SEPSECS: variants seen among roughly 807,000 people sequenced by gnomAD.
The protein encoded by SEPSECS is Sep (O-phosphoserine) tRNA:Sec (selenocysteine) tRNA synthase.
SEPSECS carries 42 observed loss-of-function variants against 52.1 expected under a neutral mutation model. The ratio of observed to expected loss-of-function variants is 0.81; its 90% CI spans 0.63 to 1.04. The LOEUF is 1.04. Ranked by LOEUF, SEPSECS falls within the 50% of genes least tolerant of loss-of-function variation. The probability of loss-of-function intolerance (pLI) is 0.00; values close to 1 mark genes in which losing one functional copy is unlikely to be tolerated. For missense variants in SEPSECS, 590 were observed against 610.6 expected (o/e 0.97, Z 0.36); for synonymous variants, 216 against 211.4 (o/e 1.02, Z -0.19).
At position 25,124,209 on chromosome 4, in the gene SEPSECS, A is replaced by G; in HGVS notation, c.1228T>C (p.Ser410Pro). The change falls in exon 11 of 11, where the codon TCC becomes CCC. Residue 410 changes from serine to proline, a missense_variant. Transcript: ENST00000382103. ...GTATAGCCACTCACAGTTTGCATGG[A>G]CCCAAGAGGCACAACCCTGAAAGAA... The part of the protein sequence containing the change: ...VSGARVVPLG[S>P]MQTVSGYTFR... 6.2e-7 allele frequency: 1 copy of G among 1,613,352 alleles called. No homozygotes were observed. Among genetic ancestry groups the G allele is most frequent in the Non-Finnish European group, 8.5e-7 (1 of 1,179,608 alleles).
intron 4 of SEPSECS, 147 bp downstream of exon 4, chr4:25,155,890 A>G: frequency 1.5e-6 from 1 of 681,744 alleles, no homozygotes; most frequent in Non-Finnish European, 2.4e-6. Flanking sequence ...CAAACATTAA[A>G]TTTTGTTACA....
At chr4:25,133,980 T>A (rs187345728) in intron 8 of SEPSECS, among the ~76,000 whole-genome samples, 42 of 150,730 alleles carry the variant, frequency 2.8e-4, no homozygotes, top group Admixed American at 2.5e-3. Context: ...AAATTTAGAC[T>A]GGCATGGCGG....
chr4:25,152,807 T>C (rs910484713), intron 5 of SEPSECS, among the ~76,000 whole-genome samples: 2 of 151,982 alleles, frequency 1.3e-5, no homozygotes, highest in South Asian at 2.1e-4. Context: ...TCATCTTTAA[T>C]AGAAATGTCT....
rs1182494020 is a variant in SEPSECS, at chr4:25,156,340, T to A, written c.389-145A>T. 14 of 655,938 alleles carry A rather than the reference T, an allele frequency of 2.1e-5. No individual in the cohort carries two copies. The South Asian group carries it at 2.9e-4, about 14-fold the overall frequency. 40.6% of individuals were successfully genotyped at this position (655,938 alleles called of 1,614,324 possible). A position where few individuals can be genotyped will look rare whatever the true frequency, so the allele number is the denominator to read the frequency against. ...CTGTACTCGCTCTTGGAAAGCTCAA[T>A]GCCAAATTCAACTTCAGGGCTTATG... On this transcript the variant is annotated intron_variant, in intron 3 of 10. Transcript: ENST00000382103.
intron 8 of SEPSECS, among the ~76,000 whole-genome samples, chr4:25,143,582 C>T (rs373354732): frequency 6.6e-6 from 1 of 152,230 alleles, no homozygotes; most frequent in East Asian, 1.9e-4. Context: ...TCCCTAATTA[C>T]TAATGACATT....
Position 25,152,075 on chromosome 4 carries a change from A to T in SEPSECS, c.702-13T>A. ...CAGTTCTTCTAATCTATAAACATAA[A>T]TATTCAATAGAAAGACATACTCACA... On this transcript the variant is annotated splice_polypyrimidine_tract_variant and intron_variant, in intron 5 of 10. Transcript: ENST00000382103. The T allele has an allele frequency of 7.2e-7, 1 of 1,388,918 alleles. No homozygotes were observed. Among genetic ancestry groups the T allele is most frequent in the South Asian group, 1.2e-5 (1 of 86,388 alleles). 86.0% of individuals were successfully genotyped at this position (1,388,918 alleles called of 1,614,324 possible).
intron 10 of SEPSECS, chr4:25,125,375 C>A: frequency 7.4e-6 from 2 of 269,412 alleles, no homozygotes; most frequent in Non-Finnish European, 7.1e-6. Context: ...TCTCTAATAC[C>A]ATAATGTGAC....
intron 5 of SEPSECS, among the ~76,000 whole-genome samples, chr4:25,153,349 T>G (rs1362967085): frequency 6.6e-6 from 1 of 151,762 alleles, no homozygotes; most frequent in Non-Finnish European, 1.5e-5. Flanking sequence ...TCCATAACAT[T>G]AAGCTCTATT....
At position 25,149,263 on chromosome 4, in the gene SEPSECS, G is replaced by T. The variant is rs11728008; in HGVS notation, c.804+2697C>A. On this transcript the variant is annotated intron_variant, in intron 6 of 10. Coordinates refer to ENST00000382103, the MANE Select transcript of SEPSECS (RefSeq NM_016955.4). ...TTTAGTTTTGTAGAGATGGAGTCTT[G>T]CTTTGTTGCCCAGGGAGGTCTCAAA... is the stretch of plus-strand genomic sequence containing the variant. 0.011 allele frequency among the ~76,000 whole-genome samples: 1,727 copies of T among 151,922 alleles called. 73 individuals carry two copies. The East Asian group carries it at 0.12, about 10-fold the overall frequency.
chr4:25,159,933 A>G, intron 1 of SEPSECS: 2 of 985,374 alleles, frequency 2.0e-6, no homozygotes, highest in South Asian at 9.4e-5. Context: ...TGAAAGATGG[A>G]GGTGCGAACT....
At chr4:25,138,071 A>G (rs1052642318) in intron 8 of SEPSECS, among the ~76,000 whole-genome samples, 3 of 152,136 alleles carry the variant, frequency 2.0e-5, no homozygotes, top group Non-Finnish European at 4.4e-5. Context: ...AGAGGGGTGC[A>G]GGGGGAGGGA....
chr4:25,144,706 A>T, intron 8 of SEPSECS, 68 bp downstream of exon 8: 1 of 1,147,220 alleles, frequency 8.7e-7, no homozygotes, highest in Non-Finnish European at 1.3e-6. Flanking sequence ...CAACAGGCAG[A>T]AAACACCAAT....
chr4:25,142,113 C>A (rs1169698453), intron 8 of SEPSECS, among the ~76,000 whole-genome samples: 2 of 152,156 alleles, frequency 1.3e-5, no homozygotes, highest in Non-Finnish European at 2.9e-5. Context: ...CCCGTCTCTA[C>A]TAAAAATACA....
At chr4:25,156,293 CG>C in intron 3 of SEPSECS, 98 bp from the exon 4 acceptor site, 1 of 1,138,380 alleles carries the variant, frequency 8.8e-7, no homozygotes, top group Non-Finnish European at 1.3e-6. Flanking sequence ...TAGTAAGAGT[CG>C]TAGCCCTAGG....
Position 25,123,708 on chromosome 4 carries a change from C to A in SEPSECS, c.*223G>T, listed in dbSNP as rs146860744. The A allele has an allele frequency of 1.9e-6, 1 of 536,958 alleles. No homozygotes were observed. The allele number at this position is 536,958 out of a possible 1,614,324, so 33.3% of individuals were successfully genotyped here. On this transcript the variant is annotated 3_prime_UTR_variant, in exon 11 of 11. Coordinates refer to ENST00000382103, the MANE Select transcript of SEPSECS (RefSeq NM_016955.4). ...AGATATTCTAACAATTAGAAAAATG[C>A]TAATTGTATATTATAACCTGTTAAG...
chr4:25,159,137 A>G (rs1408849904), intron 1 of SEPSECS, 30 bp from the exon 2 acceptor site: 1 of 1,504,778 alleles, frequency 6.6e-7, no homozygotes, highest in East Asian at 2.4e-5. Flanking sequence ...TTATGATTAT[A>G]TTTAATAAAA....
chr4:25,136,960 G>A (rs566073802), intron 8 of SEPSECS, among the ~76,000 whole-genome samples: 6 of 152,240 alleles, frequency 3.9e-5, no homozygotes, highest in South Asian at 4.1e-4. Context: ...AACAAGCAAC[G>A]GGGAAAGGAT....
intron 10 of SEPSECS, among the ~76,000 whole-genome samples, chr4:25,124,891 C>T (rs988030889): frequency 2.0e-5 from 3 of 151,664 alleles, no homozygotes; most frequent in East Asian, 3.9e-4. Context: ...ATAGTTTAAT[C>T]GCTTAGCTTT....
chr4:25,123,959 A>C lies in SEPSECS; in HGVS notation c.1478T>G (p.Leu493Arg). 6.2e-7 allele frequency: 1 copy of C among 1,613,652 alleles called. No individual in the cohort carries two copies. ...TGAAGAAGCATCCTGGTATGTGTCA[A>C]GAAGTACATTATCTAGTTTTAAAGC... Reference protein sequence around the residue: ...EMALKLDNVLLDTYQDASS With the variant: ...EMALKLDNVLRDTYQDASS The change falls in exon 11 of 11, where the codon CTT becomes CGT. Residue 493 changes from leucine (L) to arginine (R), a missense_variant. Physicochemically the swap from Leu to Arg is moderately radical, Grantham distance 102. Transcript: ENST00000382103.
Sources: gnomAD v4.1 joint callset for allele counts (sites outside exome capture counted in the v4.1 genomes callset) on GRCh38, gnomAD v4.1.1 for gene constraint, MANE v1.5 for transcripts, NCBI Gene and HGNC (gene_info 2026-07-23, HGNC 2026-07-21) for gene names.